Variants in USP13 observed in about 807,000 individuals in gnomAD.
USP13 encodes ubiquitin carboxyl-terminal hydrolase 13.
In USP13, 68 loss-of-function variants were observed where a neutral mutation model predicts 107.8. The ratio of observed to expected loss-of-function variants is 0.63; its 90% CI spans 0.52 to 0.77. The LOEUF (loss-of-function observed/expected upper bound fraction) is 0.77. Among genes scored for constraint, USP13 ranks in the 30% least tolerant of loss-of-function variants. The pLI is 0.00. For missense variants in USP13, 945 were observed against 1,093.3 expected (o/e 0.86, Z 1.91); for synonymous variants, 377 against 389.5 (o/e 0.97, Z 0.38).
intron 8 of USP13, among the ~76,000 whole-genome samples, chr3:179,729,687 G>A (rs975783324): frequency 6.6e-6 from 1 of 152,066 alleles, no homozygotes; most frequent in African/African-American, 2.4e-5. Flanking sequence ...AGCTAGGCTG[G>A]TCTTGAACTC....
chr3:179,694,443 C>T (rs1375864855), intron 3 of USP13, among the ~76,000 whole-genome samples: 1 of 152,104 alleles, frequency 6.6e-6, no homozygotes, highest in Non-Finnish European at 1.5e-5. Flanking sequence ...ACCTCATGGT[C>T]ACCTTACGGT....
At chr3:179,658,358 C>G (rs184018225) in intron 1 of USP13, among the ~76,000 whole-genome samples, 1 of 152,338 alleles carries the variant, frequency 6.6e-6, no homozygotes, top group Admixed American at 6.5e-5. Flanking sequence ...CTCTGAATGC[C>G]TGCATTACGT....
chr3:179,721,573 C>A lies in USP13; in HGVS notation c.1072C>A (p.Pro358Thr). The A allele has an allele frequency of 6.2e-7, 1 of 1,613,444 alleles. No individual in the cohort carries two copies. The highest frequency in any genetic ancestry group is 8.5e-7 in the Non-Finnish European group (1 of 1,179,966). Reference protein sequence around the residue: ...SSVMQAIFSIPEFQRAYVGNL... With the variant: ...SSVMQAIFSITEFQRAYVGNL... ...TGTCATGCAGGCCATCTTCAGCATC[C>A]CAGAATTCCAGAGAGCGTAAGTGCC... The change falls in exon 8 of 21, where the codon CCA becomes ACA. Residue 358 changes from proline (P) to threonine (T), a missense_variant. Coordinates refer to ENST00000263966, the MANE Select transcript of USP13 (RefSeq NM_003940.3). The surrounding 1 kb of genome is among the most constrained non-coding windows in gnomAD (Gnocchi z 4.3).
intron 10 of USP13, among the ~76,000 whole-genome samples, chr3:179,735,545 A>G (rs1380626433): frequency 6.6e-6 from 1 of 152,054 alleles, no homozygotes; most frequent in Non-Finnish European, 1.5e-5. Flanking sequence ...TGGTTCCACC[A>G]GTTTCCCTAA....
chr3:179,679,796 T>G (rs1394470236), intron 1 of USP13, among the ~76,000 whole-genome samples: 1 of 3,482 alleles, frequency 2.9e-4, no homozygotes, highest in Non-Finnish European at 5.5e-4. Flanking sequence ...TATCCTTAGT[T>G]TTTTTTTTTT....
chr3:179,654,254 G>T (rs1720185642), intron 1 of USP13, among the ~76,000 whole-genome samples: 1 of 151,522 alleles, frequency 6.6e-6, no homozygotes, highest in Non-Finnish European at 1.5e-5. Flanking sequence ...ACCTTCCGGT[G>T]CCTCCACTCG....
At chr3:179,715,743 A>G (rs1043820295) in intron 6 of USP13, among the ~76,000 whole-genome samples, 4 of 152,098 alleles carry the variant, frequency 2.6e-5, no homozygotes, top group African/African-American at 7.2e-5. Flanking sequence ...GCTTAGAGGC[A>G]CACAGATGTG....
chr3:179,714,406 C>G (rs924329531), intron 6 of USP13, among the ~76,000 whole-genome samples: 22 of 152,210 alleles, frequency 1.4e-4, no homozygotes, highest in African/African-American at 5.3e-4. Context: ...GGCCTGGCCT[C>G]GGCCCCTGCT....
intron 4 of USP13, among the ~76,000 whole-genome samples, chr3:179,705,900 T>A (rs1260115230): frequency 6.6e-6 from 1 of 152,072 alleles, no homozygotes; most frequent in African/African-American, 2.4e-5. Context: ...TTTTTGTATT[T>A]TTAGTAGAGA....
At position 179,757,080 on chromosome 3, in the gene USP13, T is replaced by C. The variant is rs770471212; in HGVS notation, c.1948+2T>C. 1.2e-6 allele frequency: 2 copies of C among 1,613,782 alleles called. No homozygotes were observed. The highest frequency in any genetic ancestry group is 3.3e-5 in the Admixed American group (2 of 59,984). ...GCCTGATGAACCAATTGATAGACCG[T>C]ATGTATCTTTAAAAATGTTTCTCAA... is the stretch of plus-strand genomic sequence containing the variant. On this transcript the variant is annotated splice_donor_variant, in intron 16 of 20. Coordinates refer to ENST00000263966, the MANE Select transcript of USP13 (RefSeq NM_003940.3). LOFTEE classifies it high-confidence loss of function.
chr3:179,743,775 ATT>A (rs1714291056), intron 12 of USP13, among the ~76,000 whole-genome samples: 1 of 152,082 alleles, frequency 6.6e-6, no homozygotes, highest in African/African-American at 2.4e-5. Flanking sequence ...AGTCTCTGGA[ATT>A]TGACTGTTGG....
At chr3:179,724,122 C>T (rs537446839) in intron 8 of USP13, among the ~76,000 whole-genome samples, 73 of 149,508 alleles carry the variant, frequency 4.9e-4, no homozygotes, top group African/African-American at 1.6e-3. Context: ...GTTGTGCCAC[C>T]GTACTCAGGC....
rs764468515 is a variant in USP13, at chr3:179,708,973, C to T, written c.805+16C>T. 8.1e-6 allele frequency: 13 copies of T among 1,610,052 alleles called. No individual in the cohort carries two copies. In the Admixed American group the frequency reaches 1.5e-4, roughly 19 times the overall value. ...GACGGGGCAGGTGAGTGCGCCTTTA[C>T]CGACTTTGGGAACATGCAGTGGCTT... is the stretch of plus-strand genomic sequence containing the variant. On this transcript the variant is annotated intron_variant, in intron 6 of 20. Transcript: ENST00000263966.
intron 12 of USP13, among the ~76,000 whole-genome samples, chr3:179,744,611 C>T (rs1714330280): frequency 6.6e-6 from 1 of 152,186 alleles, no homozygotes; most frequent in Non-Finnish European, 1.5e-5. Context: ...CAGTGAAGGA[C>T]TGGGAAGACG....
chr3:179,781,840 A>C lies in USP13; in HGVS notation c.2498+17A>C. ...GGAAGGAAGGTGAGTCATTTTTAGA[A>C]GGTAAATGTTAGCTGTGATTTATTG... On this transcript the variant is annotated intron_variant, in intron 20 of 20. Coordinates refer to ENST00000263966, the MANE Select transcript of USP13 (RefSeq NM_003940.3). 6.2e-7 allele frequency: 1 copy of C among 1,605,828 alleles called. No individual in the cohort carries two copies. Among genetic ancestry groups the C allele is most frequent in the Non-Finnish European group, 8.5e-7 (1 of 1,172,470 alleles).
At chr3:179,715,898 C>T (rs1713097233) in intron 6 of USP13, among the ~76,000 whole-genome samples, 1 of 152,072 alleles carries the variant, frequency 6.6e-6, no homozygotes, top group African/African-American at 2.4e-5. Context: ...GAGAAGGGCA[C>T]CAAAGCTGGC....
chr3:179,717,302 T>A (rs879789451), intron 6 of USP13, among the ~76,000 whole-genome samples: 1 of 152,234 alleles, frequency 6.6e-6, no homozygotes, highest in Non-Finnish European at 1.5e-5. Flanking sequence ...TCTTCCTGAT[T>A]GCCAAGTTTG....
At chr3:179,736,432 G>A (rs1295624375) in intron 10 of USP13, among the ~76,000 whole-genome samples, 1 of 152,182 alleles carries the variant, frequency 6.6e-6, no homozygotes, top group Non-Finnish European at 1.5e-5. Context: ...GGGGATGGGT[G>A]TTAGCAGATG....
chr3:179,767,042 C>G (rs963989370), intron 19 of USP13, among the ~76,000 whole-genome samples: 3 of 152,130 alleles, frequency 2.0e-5, no homozygotes, highest in Admixed American at 1.3e-4. Flanking sequence ...AGGTTAACCC[C>G]TATTTGTGAA....
Sources: allele counts gnomAD v4.1 joint callset (sites outside exome capture counted in the v4.1 genomes callset), GRCh38; gene constraint gnomAD v4.1.1; non-coding constraint Gnocchi (gnomAD v3.1); transcripts MANE v1.5; gene names NCBI Gene and HGNC (gene_info 2026-07-23, HGNC 2026-07-21).